Variants in PCDHGA9 observed in about 807,000 individuals in gnomAD.
The protein encoded by PCDHGA9 is protocadherin gamma-A9.
PCDHGA9 carries 37 observed loss-of-function variants against 62.5 expected under a neutral mutation model. The observed-to-expected ratio is 0.59, with a 90% CI of 0.46 to 0.78. The LOEUF (loss-of-function observed/expected upper bound fraction) is 0.78. Ranked by LOEUF, PCDHGA9 falls within the 30% of genes least tolerant of loss-of-function variation. The pLI, the probability that PCDHGA9 is intolerant of heterozygous loss-of-function variation, is 0.00. For synonymous variants in PCDHGA9, 459 were observed against 484.6 expected (o/e 0.95, Z 0.69); for missense variants, 1,138 against 1,166.2 (o/e 0.98, Z 0.35).
intron 1 of PCDHGA9, among the ~76,000 whole-genome samples, chr5:141,456,911 C>T (rs1262649726): frequency 2.0e-5 from 3 of 151,928 alleles, no homozygotes; most frequent in Non-Finnish European, 4.4e-5. Flanking sequence ...TGCAGTGAGC[C>T]GAGATCGCAC....
At chr5:141,419,658 A>T in intron 1 of PCDHGA9, 2 of 1,612,782 alleles carry the variant, frequency 1.2e-6, no homozygotes, top group Non-Finnish European at 1.7e-6. Flanking sequence ...GACTCGGGGC[A>T]CAATGCCTGG....
intron 1 of PCDHGA9, among the ~76,000 whole-genome samples, chr5:141,457,057 C>T (rs1224573005): frequency 6.6e-6 from 1 of 152,182 alleles, no homozygotes; most frequent in Non-Finnish European, 1.5e-5. Flanking sequence ...TTCATGCTTC[C>T]TTTTTGCCAG....
rs114669158 is a variant in PCDHGA9 at position 141,511,003 on chromosome 5, G to A, written c.2629G>A (p.Ala877Thr). The change falls in exon 4 of 4, where the codon GCC (alanine) becomes ACC (threonine). Residue 877 changes from alanine to threonine, a missense_variant. Physicochemically the swap from Ala to Thr is moderately conservative, Grantham distance 58 (BLOSUM62 0). Coordinates refer to ENST00000573521, the MANE Select transcript of PCDHGA9 (RefSeq NM_018921.3). Reference protein sequence around the residue: ...GGGAGTMGLSARYGPQFTLQH... With the variant: ...GGGAGTMGLSTRYGPQFTLQH... ...GGGTGCCGGCACCATGGGATTGAGCGCCCGCTACGGACCCCAGTTCACCCT... is the reference window on the plus strand; with the variant it reads ...GGGTGCCGGCACCATGGGATTGAGCACCCGCTACGGACCCCAGTTCACCCT... The A allele has an allele frequency of 1.0e-4, 163 of 1,614,148 alleles. 1 individual carries two copies. The highest frequency in any genetic ancestry group is 9.5e-5 in the Non-Finnish European group (112 of 1,180,012).
intron 1 of PCDHGA9, among the ~76,000 whole-genome samples, chr5:141,443,765 A>G (rs577762947): frequency 6.6e-6 from 1 of 152,340 alleles, no homozygotes; most frequent in East Asian, 1.9e-4. Context: ...TACAATATAC[A>G]ATATTACCAA....
Position 141,486,142 on chromosome 5 carries a change from C to T in PCDHGA9, c.2425-8665C>T. 6.2e-7 allele frequency: 1 copy of T among 1,614,200 alleles called. No homozygotes were observed. The highest frequency in any genetic ancestry group is 1.3e-5 in the African/African-American group (1 of 75,052). ...ACTATGAATTTGATGTGCGGGCTCG[C>T]GATGGGGGTTCTCCAGCCATGGAGC... On this transcript the variant is annotated intron_variant, in intron 1 of 3. Coordinates refer to ENST00000573521, the MANE Select transcript of PCDHGA9 (RefSeq NM_018921.3). This position sits in a 1 kb window ranked among gnomAD's most constrained non-coding sequence, Gnocchi z 5.0.
At chr5:141,451,957 A>C (rs1019378263) in intron 1 of PCDHGA9, among the ~76,000 whole-genome samples, 3 of 152,202 alleles carry the variant, frequency 2.0e-5, no homozygotes, top group African/African-American at 7.2e-5. Context: ...AGAAAGTGAC[A>C]TACCATCATT....
intron 1 of PCDHGA9, chr5:141,414,258 TG>T: frequency 6.2e-7 from 1 of 1,613,492 alleles, no homozygotes; most frequent in Non-Finnish European, 8.5e-7. Flanking sequence ...GTCCAGTGAC[TG>T]AAGATTCACC....
chr5:141,427,304 C>T, intron 1 of PCDHGA9: 1 of 456,910 alleles, frequency 2.2e-6, no homozygotes, highest in Non-Finnish European at 4.4e-6. Flanking sequence ...ATGAGAATGA[C>T]AATGCCCCAG....
intron 1 of PCDHGA9, among the ~76,000 whole-genome samples, chr5:141,464,454 A>G (rs999305559): frequency 6.6e-6 from 1 of 151,542 alleles, no homozygotes; most frequent in Non-Finnish European, 1.5e-5. Context: ...TGTTGTTGTT[A>G]TTTTTGAAGT....
chr5:141,431,318 G>C lies in PCDHGA9; in HGVS notation c.2424+25942G>C. 1 of 1,614,086 alleles carries C rather than the reference G, an allele frequency of 6.2e-7. No homozygotes were observed. Among genetic ancestry groups the C allele is most frequent in the African/African-American group, 1.3e-5 (1 of 75,050 alleles). On this transcript the variant is annotated intron_variant, in intron 1 of 3. Transcript: ENST00000573521. The surrounding 1 kb of genome is among the most constrained non-coding windows in gnomAD (Gnocchi z 4.8). ...CTCCCTCATCGTGCAAAATGGAGCC[G>C]ACGGTAGTAAGTACCCCGAATTGGT...
intron 2 of PCDHGA9, among the ~76,000 whole-genome samples, chr5:141,501,838 G>A (rs888418141): frequency 6.6e-6 from 1 of 152,000 alleles, no homozygotes; most frequent in African/African-American, 2.4e-5. Flanking sequence ...CACCTGTTTG[G>A]CCCTCAACCT....
In PCDHGA9 at chr5:141,487,636, AC is replaced by A. The variant is rs1562120737; in HGVS notation, c.2425-7170del. On this transcript the variant is annotated intron_variant, in intron 1 of 3. Coordinates refer to ENST00000573521, the MANE Select transcript of PCDHGA9 (RefSeq NM_018921.3). The surrounding 1 kb of genome is among the most constrained non-coding windows in gnomAD (Gnocchi z 5.0). ...TAGAGGTGAGACCTTTGCAGGCTCA[AC>A]AAATGCTTGAGGGTTATTCTGATCC... 1 of 1,614,192 alleles carries A rather than the reference AC, an allele frequency of 6.2e-7. No individual in the cohort carries two copies. The highest frequency in any genetic ancestry group is 2.2e-5 in the East Asian group (1 of 44,886).
At chr5:141,413,924 A>T in intron 1 of PCDHGA9, 1 of 1,613,408 alleles carries the variant, frequency 6.2e-7, no homozygotes, top group Non-Finnish European at 8.5e-7. Context: ...ACCTTGCCAG[A>T]ATACCGAGTG....
chr5:141,480,250 A>T (rs2099515553), intron 1 of PCDHGA9, among the ~76,000 whole-genome samples: 2 of 151,988 alleles, frequency 1.3e-5, no homozygotes, highest in African/African-American at 4.8e-5. Context: ...CAAAAAAAAA[A>T]AAAAATGTGT....
intron 1 of PCDHGA9, among the ~76,000 whole-genome samples, chr5:141,425,105 G>C (rs1227234896): frequency 2.0e-5 from 3 of 152,236 alleles, no homozygotes; most frequent in African/African-American, 7.2e-5. Flanking sequence ...TCCAACAGAT[G>C]CCTACATTTT....
At chr5:141,443,683 A>C (rs1358937790) in intron 1 of PCDHGA9, among the ~76,000 whole-genome samples, 1 of 152,248 alleles carries the variant, frequency 6.6e-6, no homozygotes, top group Admixed American at 6.5e-5. Flanking sequence ...GTTTACAAAC[A>C]CTTCAAAAAT....
intron 1 of PCDHGA9, among the ~76,000 whole-genome samples, chr5:141,445,733 T>C (rs1031885468): frequency 6.6e-6 from 1 of 152,186 alleles, no homozygotes; most frequent in Non-Finnish European, 1.5e-5. Context: ...TGTGTAAAGA[T>C]CTTTTTAAAA....
Position 141,403,686 on chromosome 5 carries a change from G to T in PCDHGA9, c.734G>T (p.Arg245Leu). The T allele has an allele frequency of 6.2e-7, 1 of 1,613,824 alleles. No individual in the cohort carries two copies. Among genetic ancestry groups the T allele is most frequent in the Non-Finnish European group, 8.5e-7 (1 of 1,179,860 alleles). Residue 245 changes from arginine to leucine, a missense_variant, in exon 1 of 4, where the codon CGG becomes CTG. Coordinates refer to ENST00000573521, the MANE Select transcript of PCDHGA9 (RefSeq NM_018921.3). ...GATAATGCCCCGGTTTTTGCTCAAC[G>T]GATTTACCGAGTTAAAGTCCTTGAG... ...TNDNAPVFAQ[R>L]IYRVKVLENV...
rs61612330 is a variant in PCDHGA9 at position 141,454,796 on chromosome 5, A to ATTTTTTTTTTTTTTTT, written c.2425-39997_2425-39982dup. Among the ~76,000 whole-genome samples the ATTTTTTTTTTTTTTTT allele has an allele frequency of 1.2e-3, 96 of 77,456 alleles. 8 individuals are homozygous for ATTTTTTTTTTTTTTTT. The highest frequency in any genetic ancestry group is 2.0e-3 in the South Asian group (4 of 1,960). 50.8% of individuals were successfully genotyped at this position (77,456 alleles called of 152,430 possible). A position where few individuals can be genotyped will look rare whatever the true frequency, so the allele number is the denominator to read the frequency against. ...AAGGAAATAATCCTCCATGGTTCTA[A>ATTTTTTTTTTTTTTTT]TTTTTTTTTTTTTTTTTTTTTTTTT... On this transcript the variant is annotated intron_variant, in intron 1 of 3. Coordinates refer to ENST00000573521, the MANE Select transcript of PCDHGA9 (RefSeq NM_018921.3).
Sources: gnomAD v4.1 joint callset for allele counts (sites outside exome capture counted in the v4.1 genomes callset) on GRCh38, gnomAD v4.1.1 for gene constraint, Gnocchi (gnomAD v3.1) non-coding constraint, MANE v1.5 for transcripts, NCBI Gene and HGNC (gene_info 2026-07-23, HGNC 2026-07-21) for gene names.